IGFBP7: variants seen among roughly 807,000 people sequenced by gnomAD.
The protein encoded by IGFBP7 is insulin-like growth factor-binding protein 7.
IGFBP7 carries 31 observed loss-of-function variants against 29.4 expected under a neutral mutation model. The observed-to-expected ratio is 1.05, with a 90% CI of 0.79 to 1.42. IGFBP7 has a LOEUF of 1.42. Ranked by LOEUF, IGFBP7 falls within the 40% of genes most tolerant of loss-of-function variation. The probability of loss-of-function intolerance (pLI) is 0.00; values close to 1 mark genes in which losing one functional copy is unlikely to be tolerated. For missense variants in IGFBP7, 393 were observed against 395.5 expected (o/e 0.99, Z 0.05); for synonymous variants, 172 against 174.9 (o/e 0.98, Z 0.13).
At chr4:57,041,109 A>T (rs1432734307) in intron 1 of IGFBP7, among the ~76,000 whole-genome samples, 176 bp from the exon 2 acceptor site, 1 of 152,258 alleles carries the variant, frequency 6.6e-6, no homozygotes, top group African/African-American at 2.4e-5. Flanking sequence ...TTTAAGGTCC[A>T]CTTTGGGAAT....
chr4:57,102,530 T>G (rs1290792332), intron 1 of IGFBP7, among the ~76,000 whole-genome samples: 1 of 152,216 alleles, frequency 6.6e-6, no homozygotes, highest in Non-Finnish European at 1.5e-5. Context: ...GTCATCTAAA[T>G]GTGCCTTGTG....
At chr4:57,058,213 C>T (rs1233149959) in intron 1 of IGFBP7, among the ~76,000 whole-genome samples, 1 of 152,160 alleles carries the variant, frequency 6.6e-6, no homozygotes, top group East Asian at 1.9e-4. Context: ...GTAATGTGCT[C>T]AGAAGATGAT....
intron 1 of IGFBP7, among the ~76,000 whole-genome samples, chr4:57,056,513 G>A (rs1256140070): frequency 6.6e-6 from 1 of 152,232 alleles, no homozygotes; most frequent in Non-Finnish European, 1.5e-5. Context: ...GGAACAGCCA[G>A]ACTGTTCAAG....
intron 1 of IGFBP7, among the ~76,000 whole-genome samples, chr4:57,104,410 T>G (rs763868377): frequency 2.0e-5 from 3 of 152,164 alleles, no homozygotes; most frequent in Non-Finnish European, 4.4e-5. Context: ...GGTACTACTG[T>G]GTTAGTTTAG....
Position 57,040,917 on chromosome 4 carries a change from C to CATTCCAGAT in IGFBP7, c.491_492insATCTGGAAT (p.Thr164_Pro165insSerGlyMet). 6.2e-7 allele frequency: 1 copy of CATTCCAGAT among 1,613,528 alleles called. No individual in the cohort carries two copies. Among genetic ancestry groups the CATTCCAGAT allele is most frequent in the African/African-American group, 1.3e-5 (1 of 75,014 alleles). ...TGACATTCCAGATGTCCTTGGGGGGCGTCACTATGGAAGGACCTGCAGGAG... is the reference window on the plus strand; with the variant it reads ...TGACATTCCAGATGTCCTTGGGGGGCATTCCAGATGTCACTATGGAAGGACCTGCAGGAG... On this transcript the variant is annotated inframe_insertion, in exon 2 of 5. Coordinates refer to ENST00000295666, the MANE Select transcript of IGFBP7 (RefSeq NM_001553.3).
chr4:57,094,108 A>T (rs920315717), intron 1 of IGFBP7, among the ~76,000 whole-genome samples: 1 of 152,124 alleles, frequency 6.6e-6, no homozygotes, highest in South Asian at 2.1e-4. Flanking sequence ...ACCAGGATGG[A>T]CTGCAGGTTT....
intron 1 of IGFBP7, among the ~76,000 whole-genome samples, chr4:57,071,202 AT>A (rs1725044998): frequency 7.0e-6 from 1 of 143,548 alleles, no homozygotes; most frequent in Non-Finnish European, 1.6e-5. Context: ...TTTTTGATAT[AT>A]TGGGGGGGAA....
intron 1 of IGFBP7, among the ~76,000 whole-genome samples, chr4:57,065,957 C>T (rs1474637289): frequency 1.3e-5 from 2 of 152,172 alleles, no homozygotes; most frequent in Non-Finnish European, 2.9e-5. Flanking sequence ...GCTCCCTACC[C>T]CCATCTCCAG....
intron 1 of IGFBP7, among the ~76,000 whole-genome samples, chr4:57,104,806 A>G (rs1255957580): frequency 6.6e-6 from 1 of 152,178 alleles, no homozygotes; most frequent in East Asian, 1.9e-4. Flanking sequence ...TGATGACAGA[A>G]AGGAAGGCAA....
chr4:57,032,826 C>A (rs1723971824), intron 3 of IGFBP7, among the ~76,000 whole-genome samples: 1 of 152,118 alleles, frequency 6.6e-6, no homozygotes, highest in Admixed American at 6.6e-5. Context: ...TTAAGGGCAA[C>A]CTTGATAAGG....
intron 1 of IGFBP7, among the ~76,000 whole-genome samples, chr4:57,061,248 A>G (rs1030686330): frequency 1.3e-5 from 2 of 152,142 alleles, no homozygotes; most frequent in South Asian, 4.1e-4. Flanking sequence ...TGGATGCCTG[A>G]AACTGTGGAT....
rs1723952960 is a variant in IGFBP7, at chr4:57,032,406, C to T, written c.829+20G>A. The T allele has an allele frequency of 2.5e-6, 4 of 1,612,640 alleles. No homozygotes were observed. Among genetic ancestry groups the T allele is most frequent in the African/African-American group, 1.3e-5 (1 of 74,846 alleles). ...AAATGTACTAGTCATTTTTAAATGG[C>T]TGTGAGATTTATTGTGTACCTTTTT... On this transcript the variant is annotated intron_variant, in intron 4 of 4. Transcript: ENST00000295666.
intron 1 of IGFBP7, among the ~76,000 whole-genome samples, chr4:57,043,396 G>A (rs2109746533): frequency 6.6e-6 from 1 of 152,304 alleles, no homozygotes; most frequent in East Asian, 1.9e-4. Context: ...TCTTGCATCA[G>A]AGTCCTGGGA....
At chr4:57,069,763 C>A (rs1336958481) in intron 1 of IGFBP7, among the ~76,000 whole-genome samples, 1 of 152,136 alleles carries the variant, frequency 6.6e-6, no homozygotes, top group East Asian at 1.9e-4. Flanking sequence ...TTCTATCTTT[C>A]TAGGCTGTTT....
intron 1 of IGFBP7, among the ~76,000 whole-genome samples, chr4:57,073,426 C>G (rs1455088636): frequency 6.6e-6 from 1 of 151,574 alleles, no homozygotes; most frequent in African/African-American, 2.4e-5. Context: ...AAAACCCTGT[C>G]TCCATAAAAA....
At chr4:57,054,784 G>C (rs1262613292) in intron 1 of IGFBP7, among the ~76,000 whole-genome samples, 1 of 152,080 alleles carries the variant, frequency 6.6e-6, no homozygotes, top group Non-Finnish European at 1.5e-5. Context: ...GACGCTGAAG[G>C]CCAAGGCCTG....
chr4:57,084,706 A>G (rs1725452126), intron 1 of IGFBP7, among the ~76,000 whole-genome samples: 8 of 151,310 alleles, frequency 5.3e-5, no homozygotes. Flanking sequence ...TGGTAAAATC[A>G]GGGGCTGTCA....
chr4:57,063,938 G>A (rs1460415186), intron 1 of IGFBP7, among the ~76,000 whole-genome samples: 8 of 152,274 alleles, frequency 5.3e-5, no homozygotes, highest in South Asian at 4.1e-4. Flanking sequence ...AAAGATTAAC[G>A]CTGTAGCAAC....
intron 3 of IGFBP7, 75 bp from the exon 4 acceptor site, chr4:57,032,627 T>A: frequency 8.5e-7 from 1 of 1,171,286 alleles, no homozygotes; most frequent in Non-Finnish European, 1.3e-6. Flanking sequence ...GAGGTCATTA[T>A]TTCATAAATT....
Sources: gnomAD v4.1 joint callset for allele counts (sites outside exome capture counted in the v4.1 genomes callset) on GRCh38, gnomAD v4.1.1 for gene constraint, MANE v1.5 for transcripts, NCBI Gene and HGNC (gene_info 2026-07-23, HGNC 2026-07-21) for gene names.